Variants in RASSF2 observed in about 807,000 individuals in gnomAD.
The protein encoded by RASSF2 is Ras association domain family member 2.
A neutral mutation model predicts 46.3 loss-of-function variants in RASSF2; 34 were observed. The ratio of observed to expected loss-of-function variants is 0.73; its 90% CI spans 0.56 to 0.98. The LOEUF is 0.98. Among genes scored for constraint, RASSF2 ranks in the 50% least tolerant of loss-of-function variants. The probability of loss-of-function intolerance (pLI) is 0.00; values close to 1 mark genes in which losing one functional copy is unlikely to be tolerated. For missense variants in RASSF2, 364 were observed against 431.2 expected, an observed-to-expected ratio of 0.84 and a Z score of 1.38; for synonymous variants, 158 against 162.5, an observed-to-expected ratio of 0.97 and a Z score of 0.21.
rs1479627100 is a variant in RASSF2, at chr20:4,795,086, C to A, written c.287+729G>T. Among the ~76,000 whole-genome samples, 1 of 152,228 alleles carries A rather than the reference C, an allele frequency of 6.6e-6. No individual in the cohort carries two copies. Among genetic ancestry groups the A allele is most frequent in the East Asian group, 1.9e-4 (1 of 5,194 alleles). On this transcript the variant is annotated intron_variant, in intron 5 of 11. Coordinates refer to ENST00000379400, the MANE Select transcript of RASSF2 (RefSeq NM_014737.3). The surrounding 1 kb of genome is among the most constrained non-coding windows in gnomAD (Gnocchi z 4.0). Reference sequence around the variant, plus strand: ...CAGCAGGTTTCAGGATGGAGACAGGCTAGTCACTTGATCCTAAAACTCAAG... The same window carrying A: ...CAGCAGGTTTCAGGATGGAGACAGGATAGTCACTTGATCCTAAAACTCAAG...
At chr20:4,811,249 G>GTGCACCCCTGTAGTCTTAGCTA (rs1555792683) in intron 2 of RASSF2, among the ~76,000 whole-genome samples, 7 of 151,332 alleles carry the variant, frequency 4.6e-5, no homozygotes, top group East Asian at 1.9e-4. Context: ...TACTCAGGAG[G>GTGCACCCCTGTAGTCTTAGCTA]CTGAGATAGG....
intron 2 of RASSF2, among the ~76,000 whole-genome samples, chr20:4,820,695 C>A (rs1235158465): frequency 6.6e-6 from 1 of 152,080 alleles, no homozygotes; most frequent in East Asian, 1.9e-4. Context: ...CAGTTCTCAG[C>A]TACTACAGAT....
chr20:4,815,034 G>T (rs1411622473), intron 2 of RASSF2: 1 of 152,232 alleles, frequency 6.6e-6, no homozygotes, highest in Non-Finnish European at 1.5e-5. Flanking sequence ...AAGAGACCCT[G>T]AGCGCCCTCC....
intron 2 of RASSF2, among the ~76,000 whole-genome samples, chr20:4,804,909 G>A (rs995204550): frequency 4.0e-4 from 61 of 152,176 alleles, no homozygotes; most frequent in African/African-American, 1.4e-3. Context: ...TACGGATGAG[G>A]GTGGGGTCCT....
At chr20:4,801,142 G>T in intron 2 of RASSF2, 80 bp from the exon 3 acceptor site, 1 of 1,063,966 alleles carries the variant, frequency 9.4e-7, no homozygotes, top group Non-Finnish European at 1.4e-6. Context: ...TGGGGAGGGG[G>T]CACAAAATTG....
intron 11 of RASSF2, among the ~76,000 whole-genome samples, chr20:4,785,018 G>A (rs566089593): frequency 5.9e-5 from 9 of 152,144 alleles, no homozygotes; most frequent in African/African-American, 2.2e-4. Context: ...TTAAAGTTTA[G>A]GACATAGTTG....
At chr20:4,798,768 G>A (rs921212690) in intron 3 of RASSF2, among the ~76,000 whole-genome samples, 1 of 150,930 alleles carries the variant, frequency 6.6e-6, no homozygotes, top group Non-Finnish European at 1.5e-5. Context: ...AGAGGTTGCA[G>A]TGAGCTGAGA....
intron 2 of RASSF2, among the ~76,000 whole-genome samples, chr20:4,815,766 A>G (rs1928256188): frequency 6.6e-6 from 1 of 152,256 alleles, no homozygotes; most frequent in Non-Finnish European, 1.5e-5. Context: ...GCCAGCTGCC[A>G]GCAGCCAGCA....
intron 2 of RASSF2, among the ~76,000 whole-genome samples, chr20:4,802,895 T>TATATAC (rs1219932207): frequency 8.5e-5 from 7 of 82,710 alleles, no homozygotes; most frequent in Admixed American, 4.3e-4. Flanking sequence ...TATATATATA[T>TATATAC]ACATATATAT....
intron 11 of RASSF2, among the ~76,000 whole-genome samples, chr20:4,785,221 C>A (rs1241986377): frequency 6.6e-6 from 1 of 151,214 alleles, no homozygotes; most frequent in Non-Finnish European, 1.5e-5. Context: ...TGCCTGTAAT[C>A]CCAGCTACTG....
intron 1 of RASSF2, 124 bp from the exon 2 acceptor site, chr20:4,822,527 G>C (rs1928768293): frequency 6.6e-6 from 1 of 152,456 alleles, no homozygotes; most frequent in East Asian, 1.9e-4. Context: ...AGAACCCTCA[G>C]TCTCCCTATG....
In RASSF2 at chr20:4,786,028, G is replaced by C. The variant is rs1568561776; in HGVS notation, c.911+203C>G. 2.6e-5 allele frequency among the ~76,000 whole-genome samples: 4 copies of C among 152,170 alleles called. No individual in the cohort carries two copies. In the South Asian group the frequency reaches 8.3e-4, roughly 32 times the overall value. Reference sequence around the variant, plus strand: ...ACTTTGATGTCCCACATCAAAACGAGAAGCTGACACAAGAAGTAGATGAAC... The same window carrying C: ...ACTTTGATGTCCCACATCAAAACGACAAGCTGACACAAGAAGTAGATGAAC... On this transcript the variant is annotated intron_variant, in intron 11 of 11. Coordinates refer to ENST00000379400, the MANE Select transcript of RASSF2 (RefSeq NM_014737.3).
intron 1 of RASSF2, among the ~76,000 whole-genome samples, chr20:4,823,116 C>T (rs1928830421): frequency 6.6e-6 from 1 of 152,118 alleles, no homozygotes; most frequent in East Asian, 1.9e-4. Context: ...GGGAGCCCCG[C>T]GGCTCGGGGA....
chr20:4,796,718 G>A (rs969681100), intron 4 of RASSF2, among the ~76,000 whole-genome samples: 1 of 152,150 alleles, frequency 6.6e-6, no homozygotes, highest in Admixed American at 6.5e-5. Flanking sequence ...ATTGGGACTC[G>A]CTTATGACTA....
intron 2 of RASSF2, among the ~76,000 whole-genome samples, chr20:4,810,560 G>A (rs765570553): frequency 1.2e-4 from 19 of 152,190 alleles, no homozygotes; most frequent in Non-Finnish European, 1.9e-4. Flanking sequence ...CGTGGTTTCA[G>A]TTCCAGCCTG....
chr20:4,791,196 G>A (rs6084893), intron 6 of RASSF2, among the ~76,000 whole-genome samples: 1 of 152,130 alleles, frequency 6.6e-6, no homozygotes, highest in Admixed American at 6.5e-5. Flanking sequence ...GTACATTCTA[G>A]GTACATACAA....
Position 4,784,002 on chromosome 20 carries a change from G to T in RASSF2, c.*271C>A. 2.1e-6 allele frequency: 1 copy of T among 473,448 alleles called. No homozygotes were observed. Among genetic ancestry groups the T allele is most frequent in the Non-Finnish European group, 3.9e-6 (1 of 259,404 alleles). 29.3% of individuals were successfully genotyped at this position (473,448 alleles called of 1,614,324 possible). ...AGGTAGGCACATGGACACGTACCAT[G>T]TGTGCACACACATGTACACACACAC... is the stretch of plus-strand genomic sequence containing the variant. On this transcript the variant is annotated 3_prime_UTR_variant, in exon 12 of 12. Coordinates refer to ENST00000379400, the MANE Select transcript of RASSF2 (RefSeq NM_014737.3).
At position 4,816,292 on chromosome 20, in the gene RASSF2, T is replaced by G. The variant is rs558123968; in HGVS notation, c.-33+6037A>C. ...CTGTACTCTAGCCAGGGCAACAGAG[T>G]GAGACCCTGTCTCAAAAACAAAAAC... On this transcript the variant is annotated intron_variant, in intron 2 of 11. Transcript: ENST00000379400. Among the ~76,000 whole-genome samples the G allele has an allele frequency of 9.9e-5, 15 of 152,224 alleles. No homozygotes were observed. The South Asian group carries it at 3.1e-3, about 32-fold the overall frequency.
At chr20:4,784,510 T>C (rs1925120308) in intron 11 of RASSF2, among the ~76,000 whole-genome samples, 168 bp from the exon 12 acceptor site, 1 of 150,304 alleles carries the variant, frequency 6.7e-6, no homozygotes, top group Non-Finnish European at 1.5e-5. Flanking sequence ...TTGTTGCTTA[T>C]GTTCATTCCT....
Sources: allele counts gnomAD v4.1 joint callset (sites outside exome capture counted in the v4.1 genomes callset), GRCh38; gene constraint gnomAD v4.1.1; non-coding constraint Gnocchi (gnomAD v3.1); transcripts MANE v1.5; gene names NCBI Gene and HGNC (gene_info 2026-07-23, HGNC 2026-07-21).